Variants in KLHL29 observed in about 807,000 individuals in gnomAD.
KLHL29 encodes the protein kelch-like protein 29.
Under a neutral mutation model 80.4 loss-of-function variants are expected in KLHL29, and 21 were observed. That is an observed-to-expected ratio of 0.26 (90% CI 0.19 to 0.38). KLHL29 has a LOEUF of 0.38. Among genes scored for constraint, KLHL29 ranks in the 10% least tolerant of loss-of-function variants. The pLI is 1.00. For synonymous variants in KLHL29, 511 were observed against 526.8 expected (o/e 0.97, Z 0.41); for missense variants, 867 against 1,223.9 (o/e 0.71, Z 4.35).
Position 23,647,153 on chromosome 2 carries a change from T to A in KLHL29, c.940+4303T>A, listed in dbSNP as rs1164639484. On this transcript the variant is annotated intron_variant, in intron 5 of 13. Transcript: ENST00000486442. The surrounding 1 kb of genome is among the most constrained non-coding windows in gnomAD (Gnocchi z 4.9). ...CCCCTTCCCTAAAAGGGAGGTGGGA[T>A]GCATCCCTTTTCTGTCAGGAGGACT... Among the ~76,000 whole-genome samples the A allele has an allele frequency of 6.6e-6, 1 of 152,200 alleles. No individual in the cohort carries two copies. Among genetic ancestry groups the A allele is most frequent in the Non-Finnish European group, 1.5e-5 (1 of 68,034 alleles).
At chr2:23,564,710 G>A (rs931626227) in intron 3 of KLHL29, among the ~76,000 whole-genome samples, 3 of 152,230 alleles carry the variant, frequency 2.0e-5, no homozygotes, top group Non-Finnish European at 2.9e-5. Flanking sequence ...GGGCAGGCCC[G>A]GGCCCAGGTA....
chr2:23,645,343 A>T (rs555586278), intron 5 of KLHL29, among the ~76,000 whole-genome samples: 1 of 151,922 alleles, frequency 6.6e-6, no homozygotes, highest in Non-Finnish European at 1.5e-5. Flanking sequence ...GCCCCTAGGG[A>T]TTTTACATCT....
chr2:23,573,956 A>G (rs567708626), intron 3 of KLHL29, among the ~76,000 whole-genome samples: 1 of 152,248 alleles, frequency 6.6e-6, no homozygotes, highest in South Asian at 2.1e-4. Flanking sequence ...CATCAGGACC[A>G]TCTGCAGGTG....
intron 5 of KLHL29, among the ~76,000 whole-genome samples, chr2:23,657,133 G>A (rs1670268967): frequency 6.6e-6 from 1 of 152,120 alleles, no homozygotes; most frequent in Admixed American, 6.5e-5. Context: ...TTTCCTGCTT[G>A]TCTCTGACAA....
chr2:23,386,404 A>G (rs1393788137), intron 1 of KLHL29, among the ~76,000 whole-genome samples: 1 of 151,962 alleles, frequency 6.6e-6, no homozygotes, highest in Non-Finnish European at 1.5e-5. Flanking sequence ...ACCCGCACAG[A>G]CCTTATTGTG....
chr2:23,502,233 T>G (rs1216750530), intron 2 of KLHL29, among the ~76,000 whole-genome samples: 1 of 152,236 alleles, frequency 6.6e-6, no homozygotes, highest in Admixed American at 6.5e-5. Context: ...CGGGATCGCT[T>G]GCATGCAATT....
chr2:23,661,704 A>C (rs1670413651), intron 5 of KLHL29, among the ~76,000 whole-genome samples: 1 of 152,264 alleles, frequency 6.6e-6, no homozygotes, highest in Admixed American at 6.5e-5. Flanking sequence ...ACCCATGAGC[A>C]ACCCCCAGGC....
At chr2:23,545,778 C>T (rs867225391) in intron 2 of KLHL29, among the ~76,000 whole-genome samples, 11 of 152,308 alleles carry the variant, frequency 7.2e-5, no homozygotes, top group Admixed American at 1.3e-4. Flanking sequence ...ATACTGAGTT[C>T]CTTTTATTCT....
chr2:23,570,813 G>T (rs1030855514), intron 3 of KLHL29, among the ~76,000 whole-genome samples: 10 of 152,186 alleles, frequency 6.6e-5, no homozygotes, highest in Admixed American at 4.6e-4. Context: ...TAAAAACATG[G>T]ATTTGAATGA....
rs1318536096 is a variant in KLHL29 at position 23,457,590 on chromosome 2, G to A, written c.-153-17970G>A. Among the ~76,000 whole-genome samples the A allele has an allele frequency of 1.3e-5, 2 of 152,194 alleles. No individual in the cohort carries two copies. Among genetic ancestry groups the A allele is most frequent in the Non-Finnish European group, 2.9e-5 (2 of 68,034 alleles). ...TGCTTTTAGGAGTGTCACAAGGATT[G>A]TAACAGCGTCCCACTGGTGCTGGAT... On this transcript the variant is annotated intron_variant, in intron 1 of 13. Transcript: ENST00000486442. This position sits in a 1 kb window ranked among gnomAD's most constrained non-coding sequence, Gnocchi z 4.3.
At position 23,642,861 on chromosome 2, in the gene KLHL29, C is replaced by A; in HGVS notation, c.940+11C>A. 1 of 1,550,404 alleles carries A rather than the reference C, an allele frequency of 6.4e-7. No individual in the cohort carries two copies. The highest frequency in any genetic ancestry group is 1.2e-5 in the South Asian group (1 of 84,052). On this transcript the variant is annotated intron_variant, in intron 5 of 13. Coordinates refer to ENST00000486442, the MANE Select transcript of KLHL29 (RefSeq NM_052920.2). ...CGGGGCACCCCAGAGGTAAGTCCTGCTGCCACGTGCCTCCCCACGGGCCTG... is the reference window on the plus strand; with the variant it reads ...CGGGGCACCCCAGAGGTAAGTCCTGATGCCACGTGCCTCCCCACGGGCCTG...
intron 2 of KLHL29, among the ~76,000 whole-genome samples, chr2:23,527,938 G>A (rs1267585914): frequency 1.3e-5 from 2 of 152,164 alleles, no homozygotes; most frequent in African/African-American, 4.8e-5. Flanking sequence ...AGGCCCCCAG[G>A]CTACTGCAGA....
intron 6 of KLHL29, chr2:23,690,504 G>C (rs1190080766): frequency 1.3e-5 from 2 of 152,294 alleles, no homozygotes; most frequent in East Asian, 1.9e-4. Context: ...GCGCGCAAGG[G>C]ACCCGTCACA....
intron 2 of KLHL29, among the ~76,000 whole-genome samples, chr2:23,494,310 T>C (rs1665192604): frequency 6.6e-6 from 1 of 152,192 alleles, no homozygotes; most frequent in African/African-American, 2.4e-5. Context: ...TTTGAAAAGC[T>C]CCACGTTTTG....
chr2:23,581,835 A>AAAAAAAC (rs1558396639), intron 3 of KLHL29, among the ~76,000 whole-genome samples: 1 of 151,674 alleles, frequency 6.6e-6, no homozygotes, highest in East Asian at 1.9e-4. Flanking sequence ...CCTCAAAAAA[A>AAAAAAAC]AAAAAAAAAA....
chr2:23,645,879 A>T (rs1406080030), intron 5 of KLHL29, among the ~76,000 whole-genome samples: 1 of 152,278 alleles, frequency 6.6e-6, no homozygotes, highest in Non-Finnish European at 1.5e-5. Context: ...GATTTGCAGT[A>T]GGTCAAGCGA....
At chr2:23,476,363 G>A (rs1156758367) in intron 2 of KLHL29, among the ~76,000 whole-genome samples, 1 of 152,048 alleles carries the variant, frequency 6.6e-6, no homozygotes, top group East Asian at 1.9e-4. Context: ...ATTATAAAGG[G>A]ATTTTAAAGG....
In KLHL29 at chr2:23,639,294, C is replaced by T. The variant is rs759472720; in HGVS notation, c.427+14C>T. 9.1e-6 allele frequency: 14 copies of T among 1,543,690 alleles called. No homozygotes were observed. Among genetic ancestry groups the T allele is most frequent in the East Asian group, 2.5e-5 (1 of 40,562 alleles). ...GTGACAATCCAGGTACGTACCTCAT[C>T]GGCAGATAGAAACGACTGAGCCCAG... On this transcript the variant is annotated intron_variant, in intron 4 of 13. Coordinates refer to ENST00000486442, the MANE Select transcript of KLHL29 (RefSeq NM_052920.2).
chr2:23,675,970 T>G (rs572687140), intron 5 of KLHL29, among the ~76,000 whole-genome samples: 2 of 152,198 alleles, frequency 1.3e-5, no homozygotes, highest in South Asian at 4.1e-4. Context: ...GAACTTTTTG[T>G]GCAAAACATG....
Sources: allele counts gnomAD v4.1 joint callset (sites outside exome capture counted in the v4.1 genomes callset), GRCh38; gene constraint gnomAD v4.1.1; non-coding constraint Gnocchi (gnomAD v3.1); transcripts MANE v1.5; gene names NCBI Gene and HGNC (gene_info 2026-07-23, HGNC 2026-07-21).